AKT3: variants seen among roughly 807,000 people sequenced by gnomAD.
AKT3 encodes the protein AKT serine/threonine kinase 3, also known as RAC-gamma serine/threonine-protein kinase.
Under a neutral mutation model 65.3 loss-of-function variants are expected in AKT3, and 15 were observed. The ratio of observed to expected loss-of-function variants is 0.23; its 90% CI spans 0.15 to 0.35. The LOEUF is 0.35. Among genes scored for constraint, AKT3 ranks in the 10% least tolerant of loss-of-function variants. The pLI is 1.00. For synonymous variants in AKT3, 206 were observed against 183.8 expected, an observed-to-expected ratio of 1.12 and a Z score of -0.98; for missense variants, 243 against 576.5, an observed-to-expected ratio of 0.42 and a Z score of 5.92.
chr1:243,546,899 TTTTG>T (rs1362190385), intron 11 of AKT3: 4 of 152,236 alleles, frequency 2.6e-5, no homozygotes, highest in South Asian at 4.1e-4. Flanking sequence ...TGGTTGACAT[TTTTG>T]TTTATGTTAA....
In AKT3 at chr1:243,689,067, T is replaced by C. The variant is rs370659550; in HGVS notation, c.172+6524A>G. On this transcript the variant is annotated intron_variant, in intron 3 of 13. Transcript: ENST00000673466. The stretch of plus-strand genomic sequence containing the variant: ...CTTACCTATTGCTTCTCTCAACTTC[T>C]ACAGCAGCTACTTTCTACAGAATTC... Among the ~76,000 whole-genome samples the C allele has an allele frequency of 3.3e-5, 5 of 152,348 alleles. No homozygotes were observed. The East Asian group carries it at 5.8e-4, about 18-fold the overall frequency.
chr1:243,508,679 TTTAA>T (rs1412387338), intron 13 of AKT3, among the ~76,000 whole-genome samples: 2 of 119,000 alleles, frequency 1.7e-5, no homozygotes, highest in Admixed American at 9.7e-5. Flanking sequence ...TTTTTTTTTT[TTTAA>T]AAGACAGAGT....
chr1:243,823,037 G>A (rs1179968342), intron 2 of AKT3, among the ~76,000 whole-genome samples: 5 of 151,968 alleles, frequency 3.3e-5, no homozygotes, highest in Admixed American at 6.6e-5. Context: ...TCAATAAAAC[G>A]CTGGCAAAGT....
At chr1:243,523,308 C>CACACACACACACACACACACA (rs1670846485) in intron 12 of AKT3, among the ~76,000 whole-genome samples, 1 of 142,220 alleles carries the variant, frequency 7.0e-6, no homozygotes, top group Non-Finnish European at 1.5e-5. Flanking sequence ...CACACACACA[C>CACACACACACACACACACACA]CTTTCAGAAA....
intron 9 of AKT3, among the ~76,000 whole-genome samples, chr1:243,567,487 CTTTTTTTTTTTT>C (rs993323556): frequency 8.2e-6 from 1 of 122,320 alleles, no homozygotes; most frequent in Admixed American, 8.5e-5. Context: ...TTGTTTCTTC[CTTTTTTTTTTTT>C]TTTTTTTTTT....
At chr1:243,815,796 T>TTGTTGTTGTTGTTGC (rs1422653990) in intron 2 of AKT3, among the ~76,000 whole-genome samples, 1 of 151,738 alleles carries the variant, frequency 6.6e-6, no homozygotes, top group Non-Finnish European at 1.5e-5. Context: ...GTTGTTGTTG[T>TTGTTGTTGTTGTTGC]TGTAGAGATG....
chr1:243,843,217 A>T lies in AKT3; in HGVS notation c.-47T>A. 6.2e-7 allele frequency: 1 copy of T among 1,605,892 alleles called. No individual in the cohort carries two copies. The highest frequency in any genetic ancestry group is 8.5e-7 in the Non-Finnish European group (1 of 1,175,450). On this transcript the variant is annotated 5_prime_UTR_variant, in exon 2 of 14. Transcript: ENST00000673466. ...CAACTTGGAGAAATGGTACTTTGTG[A>T]TATCAGCTTTAGGGTTTGGATTCTC...
chr1:243,632,839 C>T (rs1679705159), intron 6 of AKT3, among the ~76,000 whole-genome samples: 1 of 152,186 alleles, frequency 6.6e-6, no homozygotes, highest in African/African-American at 2.4e-5. Context: ...GCCAACCTTT[C>T]CTAGCTTCCA....
intron 11 of AKT3, among the ~76,000 whole-genome samples, chr1:243,552,344 G>C (rs367869890): frequency 3.4e-5 from 5 of 147,410 alleles, no homozygotes; most frequent in Non-Finnish European, 7.4e-5. Context: ...CACAGGTTGC[G>C]GGTGGGAGGA....
intron 2 of AKT3, among the ~76,000 whole-genome samples, chr1:243,699,534 T>A (rs1269729926): frequency 7.2e-6 from 1 of 138,660 alleles, no homozygotes; most frequent in Non-Finnish European, 1.5e-5. Flanking sequence ...GTGCTTCCAC[T>A]TCTTTCTCAC....
chr1:243,801,699 G>A (rs945152543), intron 2 of AKT3, among the ~76,000 whole-genome samples: 1 of 152,130 alleles, frequency 6.6e-6, no homozygotes, highest in African/African-American at 2.4e-5. Context: ...ACCTGCAGAA[G>A]GGAGCATCAA....
Position 243,775,776 on chromosome 1 carries a change from A to G in AKT3, c.46+67349T>C, listed in dbSNP as rs146471224. Reference sequence around the variant, plus strand: ...TAAGATCCATAATGTTTAATACAGAACTTTACAAAATCCAGCAAAATAAAT... The same window carrying G: ...TAAGATCCATAATGTTTAATACAGAGCTTTACAAAATCCAGCAAAATAAAT... On this transcript the variant is annotated intron_variant, in intron 2 of 13. Transcript: ENST00000673466. 6.5e-3 allele frequency among the ~76,000 whole-genome samples: 994 copies of G among 152,348 alleles called. 7 individuals are homozygous for G. Among genetic ancestry groups the G allele is most frequent in the Middle Eastern group, 0.01 (3 of 294 alleles).
intron 2 of AKT3, among the ~76,000 whole-genome samples, chr1:243,830,836 T>C (rs912193931): frequency 1.3e-5 from 2 of 152,194 alleles, no homozygotes; most frequent in African/African-American, 4.8e-5. Flanking sequence ...AGATACCTTA[T>C]TTACTAGTCC....
At chr1:243,822,999 T>G (rs1693953329) in intron 2 of AKT3, among the ~76,000 whole-genome samples, 1 of 152,020 alleles carries the variant, frequency 6.6e-6, no homozygotes, top group Non-Finnish European at 1.5e-5. Context: ...TCAGCCAATA[T>G]CCCTGATGAA....
chr1:243,500,401 T>A lies in AKT3; in HGVS notation c.*4848A>T, dbSNP rs1669156942. The stretch of plus-strand genomic sequence containing the variant: ...CAAAAAAGCATCTTTGGCTCGGTGG[T>A]GTCAGATTTTTTTCTTCAATACGCA... On this transcript the variant is annotated 3_prime_UTR_variant, in exon 14 of 14. Transcript: ENST00000673466. 1 of 225,596 alleles carries A rather than the reference T, an allele frequency of 4.4e-6. No individual in the cohort carries two copies. Among genetic ancestry groups the A allele is most frequent in the African/African-American group, 2.2e-5 (1 of 44,932 alleles). The allele number at this position is 225,596 out of a possible 1,614,324, so 14.0% of individuals were successfully genotyped here.
At chr1:243,595,692 T>A (rs889951591) in intron 8 of AKT3, among the ~76,000 whole-genome samples, 1 of 152,188 alleles carries the variant, frequency 6.6e-6, no homozygotes, top group Non-Finnish European at 1.5e-5. Context: ...ATCATCAGTA[T>A]CACTGTCTTC....
intron 1 of AKT3, among the ~76,000 whole-genome samples, chr1:243,845,450 A>G (rs2148482222): frequency 7.0e-6 from 1 of 142,178 alleles, no homozygotes; most frequent in Non-Finnish European, 1.5e-5. Context: ...AAAAAATACA[A>G]AAATTAGCTG....
chr1:243,806,831 T>C (rs763267634), intron 2 of AKT3, among the ~76,000 whole-genome samples: 1 of 152,194 alleles, frequency 6.6e-6, no homozygotes, highest in East Asian at 1.9e-4. Context: ...CCAAATAATA[T>C]ATTAACTTTT....
chr1:243,635,871 T>G (rs567451099), intron 6 of AKT3, among the ~76,000 whole-genome samples: 4 of 152,154 alleles, frequency 2.6e-5, no homozygotes, highest in African/African-American at 7.2e-5. Context: ...CTCCAAATCT[T>G]CATAGTGTTA....
Sources: gnomAD v4.1 joint callset for allele counts (sites outside exome capture counted in the v4.1 genomes callset) on GRCh38, gnomAD v4.1.1 for gene constraint, MANE v1.5 for transcripts, NCBI Gene and HGNC (gene_info 2026-07-23, HGNC 2026-07-21) for gene names.